The following GXYLT1 variants were observed in gnomAD, a reference collection of about 807,000 sequenced individuals.
The protein encoded by GXYLT1 is glycosyltransferase 8 domain containing 3.
Under a neutral mutation model 54.0 loss-of-function variants are expected in GXYLT1, and 29 were observed. That is an observed-to-expected ratio of 0.54 (90% CI 0.40 to 0.73). GXYLT1 has a LOEUF of 0.73. Among genes scored for constraint, GXYLT1 ranks in the 30% least tolerant of loss-of-function variants. GXYLT1 has a pLI of 0.00. For synonymous variants in GXYLT1, 176 were observed against 204.1 expected (o/e 0.86, Z 1.17); for missense variants, 490 against 553.4 (o/e 0.89, Z 1.15).
rs1274821238 is a variant in GXYLT1 at position 42,087,017 on chromosome 12, A to T, written c.*769T>A. 6.7e-6 allele frequency: 1 copy of T among 149,554 alleles called. No homozygotes were observed. Among genetic ancestry groups the T allele is most frequent in the East Asian group, 2.0e-4 (1 of 5,102 alleles). 9.3% of individuals were successfully genotyped at this position (149,554 alleles called of 1,614,324 possible). ...CTGACGTTTTTCATTTAAAGTGATT[A>T]AAAAAAAATTCCCCAAATATCTATT... On this transcript the variant is annotated 3_prime_UTR_variant, in exon 8 of 8. Coordinates refer to ENST00000398675, the MANE Select transcript of GXYLT1 (RefSeq NM_173601.2).
At chr12:42,098,892 G>C (rs907931880) in intron 5 of GXYLT1, among the ~76,000 whole-genome samples, 1 of 150,918 alleles carries the variant, frequency 6.6e-6, no homozygotes, top group Non-Finnish European at 1.5e-5. Context: ...ATTCTAAAAG[G>C]TTGCTATTTG....
intron 5 of GXYLT1, among the ~76,000 whole-genome samples, chr12:42,099,650 C>T (rs894081039): frequency 6.6e-6 from 1 of 152,150 alleles, no homozygotes; most frequent in East Asian, 1.9e-4. Context: ...TTCAGGAGCT[C>T]GAGACAAGCC....
At chr12:42,091,663 A>G (rs957186243) in intron 7 of GXYLT1, among the ~76,000 whole-genome samples, 1 of 152,260 alleles carries the variant, frequency 6.6e-6, no homozygotes, top group African/African-American at 2.4e-5. Context: ...ACCATGATAA[A>G]CTGATTGTTT....
At chr12:42,110,884 T>C (rs2065449508) in intron 3 of GXYLT1, among the ~76,000 whole-genome samples, 1 of 152,238 alleles carries the variant, frequency 6.6e-6, no homozygotes, top group African/African-American at 2.4e-5. Flanking sequence ...ATATTTGATA[T>C]TCTTTCATCA....
chr12:42,114,377 C>T (rs533978901), intron 3 of GXYLT1, among the ~76,000 whole-genome samples: 4 of 152,090 alleles, frequency 2.6e-5, no homozygotes, highest in Admixed American at 1.3e-4. Context: ...ACTGATAGAA[C>T]GCTAGCAAGA....
At chr12:42,121,474 C>A (rs2065531105) in intron 2 of GXYLT1, among the ~76,000 whole-genome samples, 1 of 152,002 alleles carries the variant, frequency 6.6e-6, no homozygotes, top group East Asian at 1.9e-4. Flanking sequence ...TCCACACACA[C>A]AAAAAAACTA....
chr12:42,102,884 T>C (rs1265291572), intron 5 of GXYLT1, among the ~76,000 whole-genome samples: 3 of 151,728 alleles, frequency 2.0e-5, no homozygotes, highest in Non-Finnish European at 2.9e-5. Flanking sequence ...TAAAAAGTTG[T>C]ATTTAATATT....
At position 42,126,221 on chromosome 12, in the gene GXYLT1, G is replaced by A. The variant is rs183041547; in HGVS notation, c.314+3538C>T. On this transcript the variant is annotated intron_variant, in intron 2 of 7. Transcript: ENST00000398675. The stretch of plus-strand genomic sequence containing the variant: ...CCCAAGTAGCTTGAACTAAAGTTGC[G>A]CGCCACCATGCCTGGCTAATTTTTG... Among the ~76,000 whole-genome samples the A allele has an allele frequency of 8.9e-3, 1,351 of 152,060 alleles. 14 individuals are homozygous for A. The highest frequency in any genetic ancestry group is 0.014 in the Non-Finnish European group (953 of 67,968).
In GXYLT1 at chr12:42,113,556, C is replaced by T. The variant is rs181083951; in HGVS notation, c.487-3865G>A. ...AAGAAGGCCATTACATAATGGTAAA[C>T]GGATCAATTCAACAAGAAGAGCTAA... is the stretch of plus-strand genomic sequence containing the variant. On this transcript the variant is annotated intron_variant, in intron 3 of 7. Transcript: ENST00000398675. Among the ~76,000 whole-genome samples, 31 of 150,922 alleles carry T rather than the reference C, an allele frequency of 2.1e-4. 2 individuals are homozygous for T. Among genetic ancestry groups the T allele is most frequent in the African/African-American group, 2.2e-4 (9 of 40,376 alleles).
chr12:42,118,506 A>T lies in GXYLT1; in HGVS notation c.486+494T>A, dbSNP rs138109161. On this transcript the variant is annotated intron_variant, in intron 3 of 7. Coordinates refer to ENST00000398675, the MANE Select transcript of GXYLT1 (RefSeq NM_173601.2). The stretch of plus-strand genomic sequence containing the variant: ...GGACTCAGATGGAAGTGGTTCAAGG[A>T]GCACTCCCCACTTACAAGGGCAGTG... Among the ~76,000 whole-genome samples the T allele has an allele frequency of 2.0e-4, 30 of 152,342 alleles. No homozygotes were observed. The East Asian group carries it at 5.4e-3, about 27-fold the overall frequency.
chr12:42,132,075 T>TTA (rs902739121), intron 1 of GXYLT1, among the ~76,000 whole-genome samples: 27 of 152,254 alleles, frequency 1.8e-4, no homozygotes, highest in African/African-American at 6.0e-4. Flanking sequence ...TTAATTAAAA[T>TTA]TATATATATT....
chr12:42,124,864 A>G (rs2065551545), intron 2 of GXYLT1, among the ~76,000 whole-genome samples: 1 of 152,218 alleles, frequency 6.6e-6, no homozygotes, highest in African/African-American at 2.4e-5. Context: ...TGAGATTGCT[A>G]AAGAGGCTCA....
At chr12:42,089,865 T>C (rs1257176976) in intron 7 of GXYLT1, among the ~76,000 whole-genome samples, 3 of 152,168 alleles carry the variant, frequency 2.0e-5, no homozygotes, top group Admixed American at 6.6e-5. Context: ...CTTCACCAAG[T>C]GATACTTTCA....
At chr12:42,111,464 G>C (rs1029662101) in intron 3 of GXYLT1, among the ~76,000 whole-genome samples, 1 of 152,170 alleles carries the variant, frequency 6.6e-6, no homozygotes, top group South Asian at 2.1e-4. Flanking sequence ...CTTAAAAAAC[G>C]GCACACCAGG....
At chr12:42,132,634 T>G (rs180801886) in intron 1 of GXYLT1, among the ~76,000 whole-genome samples, 307 of 152,326 alleles carry the variant, frequency 2.0e-3, no homozygotes, top group Non-Finnish European at 3.5e-3. Flanking sequence ...CTACTTGATC[T>G]TCGTTAGTCT....
At chr12:42,134,496 G>A (rs1200816808) in intron 1 of GXYLT1, among the ~76,000 whole-genome samples, 1 of 152,076 alleles carries the variant, frequency 6.6e-6, no homozygotes, top group Non-Finnish European at 1.5e-5. Context: ...TTTTTGTAGA[G>A]ACAAAGTTTT....
chr12:42,121,800 T>C (rs1592119423), intron 2 of GXYLT1, among the ~76,000 whole-genome samples: 1 of 151,974 alleles, frequency 6.6e-6, no homozygotes, highest in Admixed American at 6.6e-5. Flanking sequence ...CCTCTTCTGT[T>C]TGGGATCCTT....
At position 42,105,923 on chromosome 12, in the gene GXYLT1, T is replaced by C. The variant is rs969941532; in HGVS notation, c.759A>G (p.Ile253Met). 1.9e-6 allele frequency: 3 copies of C among 1,613,994 alleles called. No individual in the cohort carries two copies. The highest frequency in any genetic ancestry group is 1.3e-5 in the African/African-American group (1 of 74,956). The change falls in exon 5 of 8, where the codon ATA becomes ATG. Residue 253 changes from isoleucine (I) to methionine (M), a missense_variant. Ile to Met is a conservative substitution (Grantham distance 10, BLOSUM62 1). Coordinates refer to ENST00000398675, the MANE Select transcript of GXYLT1 (RefSeq NM_173601.2). Reference sequence around the variant, plus strand: ...GCCTAGCAAAGCGATTATACCATCCTATTCGAGGTTCCTCATGTTCTGGTG... The same window carrying C: ...GCCTAGCAAAGCGATTATACCATCCCATTCGAGGTTCCTCATGTTCTGGTG... ...AMAPEHEEPR[I>M]GWYNRFARHP...
chr12:42,125,832 T>C (rs561562683), intron 2 of GXYLT1, among the ~76,000 whole-genome samples: 45 of 151,830 alleles, frequency 3.0e-4, no homozygotes, highest in African/African-American at 8.9e-4. Context: ...CTGGGCAACA[T>C]AGCGAGACAG....
Sources: gnomAD v4.1 joint callset for allele counts (sites outside exome capture counted in the v4.1 genomes callset) on GRCh38, gnomAD v4.1.1 for gene constraint, MANE v1.5 for transcripts, NCBI Gene and HGNC (gene_info 2026-07-23, HGNC 2026-07-21) for gene names.